LIN9: variants seen among roughly 807,000 people sequenced by gnomAD.
LIN9 encodes the protein protein lin-9 homolog.
Under a neutral mutation model 78.0 loss-of-function variants are expected in LIN9, and 18 were observed. The ratio of observed to expected loss-of-function variants is 0.23; its 90% CI spans 0.16 to 0.34. LIN9 has a LOEUF of 0.34. Ranked by LOEUF, LIN9 falls within the 10% of genes least tolerant of loss-of-function variation. LIN9 has a pLI of 1.00. For synonymous variants in LIN9, 192 were observed against 215.2 expected (o/e 0.89, Z 0.94); for missense variants, 451 against 644.1 (o/e 0.70, Z 3.25).
At chr1:226,233,316 T>A in intron 13 of LIN9, 28 bp downstream of exon 13, 1 of 1,583,436 alleles carries the variant, frequency 6.3e-7, no homozygotes, top group Non-Finnish European at 8.6e-7. Flanking sequence ...TTGTGTCAAA[T>A]TAAGAAAATA....
chr1:226,307,589 T>C (rs528804643), intron 1 of LIN9, among the ~76,000 whole-genome samples: 8 of 152,212 alleles, frequency 5.3e-5, no homozygotes, highest in Admixed American at 1.3e-4. Context: ...TGAGCCGAGA[T>C]AGTACCATTG....
At chr1:226,280,596 T>C (rs1421292668) in intron 6 of LIN9, among the ~76,000 whole-genome samples, 3 of 152,028 alleles carry the variant, frequency 2.0e-5, no homozygotes, top group East Asian at 1.9e-4. Flanking sequence ...GCCAATATGG[T>C]GAAACCCATC....
In LIN9 at chr1:226,294,087, C is replaced by T. The variant is rs145223351; in HGVS notation, c.264+1755G>A. ...GTTTAGGAGGCTGAGGTGAGTGGAT[C>T]GCTTGAGGTCAGGAGTTTGAGACCA... On this transcript the variant is annotated intron_variant, in intron 4 of 14. Coordinates refer to ENST00000681046, the MANE Select transcript of LIN9 (RefSeq NM_001366245.2). Among the ~76,000 whole-genome samples, 740 of 151,960 alleles carry T rather than the reference C, an allele frequency of 4.9e-3. 13 individuals carry two copies. Among genetic ancestry groups the T allele is most frequent in the African/African-American group, 0.016 (650 of 41,454 alleles).
chr1:226,278,457 AC>A (rs1417476751), intron 6 of LIN9, among the ~76,000 whole-genome samples: 2 of 151,506 alleles, frequency 1.3e-5, no homozygotes, highest in Non-Finnish European at 2.9e-5. Context: ...AAACAAAAAA[AC>A]CTTAAAATCT....
upstream of LIN9, chr1:226,309,544 G>C: frequency 4.2e-6 from 5 of 1,181,842 alleles, no homozygotes; most frequent in Non-Finnish European, 5.4e-6. Context: ...GAGAACGGGA[G>C]GGAGGCCCCG....
intron 4 of LIN9, among the ~76,000 whole-genome samples, chr1:226,292,094 G>A (rs907359532): frequency 6.6e-6 from 1 of 152,072 alleles, no homozygotes; most frequent in South Asian, 2.1e-4. Flanking sequence ...GCAGCTCATC[G>A]AATATAAAAC....
intron 8 of LIN9, 76 bp downstream of exon 8, chr1:226,267,881 A>G: frequency 1.4e-6 from 2 of 1,419,846 alleles, no homozygotes; most frequent in Non-Finnish European, 1.9e-6. Context: ...CTATCATAAA[A>G]TACGATTTCT....
chr1:226,309,454 C>T (rs1314335791), upstream of LIN9: 8 of 1,092,744 alleles, frequency 7.3e-6, no homozygotes, highest in African/African-American at 3.5e-5. Flanking sequence ...GCTCCGGAGT[C>T]CCGCCCGGGC....
chr1:226,232,566 G>T lies in LIN9; in HGVS notation c.1564C>A (p.Gln522Lys). The T allele has an allele frequency of 3.1e-6, 5 of 1,611,598 alleles. No homozygotes were observed. Among genetic ancestry groups the T allele is most frequent in the Non-Finnish European group, 4.2e-6 (5 of 1,178,420 alleles). Residue 522 changes from glutamine (Q) to lysine (K), a missense_variant, in exon 15 of 15, where the codon CAG becomes AAG. Transcript: ENST00000681046. ...TTTCCCATCTGGCTCAGGCCACTCT[G>T]AATATGTGCAACATGGATTTCTACA... is the stretch of plus-strand genomic sequence containing the variant. The part of the protein sequence containing the change: ...NNVEIHVAHI[Q>K]SGLSQMGNLH...
At chr1:226,304,559 G>A (rs1392163379) in intron 1 of LIN9, among the ~76,000 whole-genome samples, 1 of 152,148 alleles carries the variant, frequency 6.6e-6, no homozygotes, top group Non-Finnish European at 1.5e-5. Context: ...TGGTGGGGAC[G>A]GGGGAATTAC....
At chr1:226,261,887 T>A (rs896040700) in intron 10 of LIN9, among the ~76,000 whole-genome samples, 13 of 152,152 alleles carry the variant, frequency 8.5e-5, no homozygotes, top group African/African-American at 3.1e-4. Context: ...AAACCTACAG[T>A]AATCAAGACA....
chr1:226,280,980 A>G (rs1661012201), intron 6 of LIN9, among the ~76,000 whole-genome samples: 1 of 152,236 alleles, frequency 6.6e-6, no homozygotes, highest in African/African-American at 2.4e-5. Flanking sequence ...TGTTTATTGT[A>G]GCACTATTTA....
rs962657110 is a variant in LIN9, at chr1:226,272,851, T to C, written c.683-4761A>G. ...TTTGTTGGATTACCAATAAACAGTG[T>C]AGGGTCCCAGAGCTTGGGGCCTTCA... On this transcript the variant is annotated intron_variant, in intron 7 of 14. Transcript: ENST00000681046. Among the ~76,000 whole-genome samples, 6 of 152,288 alleles carry C rather than the reference T, an allele frequency of 3.9e-5. No individual in the cohort carries two copies. In the East Asian group the frequency reaches 7.7e-4, roughly 20 times the overall value.
chr1:226,303,670 A>G (rs915947915), intron 1 of LIN9, among the ~76,000 whole-genome samples: 8 of 151,880 alleles, frequency 5.3e-5, no homozygotes, highest in African/African-American at 1.9e-4. Context: ...CGGTGGCGCA[A>G]TCTCAGCTCA....
chr1:226,309,115 C>T lies in LIN9; in HGVS notation c.25G>A (p.Asp9Asn), dbSNP rs1381528792. ...GCTTTGAGGTGCTACTCACTCTCGT[C>T]AGGCAACTGGTCGAGCTCCGCCATC... The part of the protein sequence containing the change: MAELDQLP[D>N]ESSSAKALVS... The change falls in exon 1 of 15, where the codon GAC becomes AAC. Residue 9 changes from aspartate to asparagine, a missense_variant. Coordinates refer to ENST00000681046, the MANE Select transcript of LIN9 (RefSeq NM_001366245.2). 2 of 1,338,502 alleles carry T rather than the reference C, an allele frequency of 1.5e-6. No individual in the cohort carries two copies. Among genetic ancestry groups the T allele is most frequent in the East Asian group, 2.8e-5 (1 of 35,728 alleles). 82.9% of individuals were successfully genotyped at this position (1,338,502 alleles called of 1,614,324 possible).
chr1:226,237,495 G>C (rs549858035), intron 12 of LIN9, among the ~76,000 whole-genome samples: 2 of 152,016 alleles, frequency 1.3e-5, no homozygotes, highest in Admixed American at 1.3e-4. Flanking sequence ...ACCTGGGCGT[G>C]GTAATGCATG....
At chr1:226,296,292 C>A (rs146791418) in intron 3 of LIN9, among the ~76,000 whole-genome samples, 5 of 152,264 alleles carry the variant, frequency 3.3e-5, no homozygotes. Flanking sequence ...TGGGTTAATA[C>A]CAATTGGGTG....
chr1:226,309,559 G>A, upstream of LIN9: 2 of 1,181,810 alleles, frequency 1.7e-6, no homozygotes, highest in Non-Finnish European at 2.2e-6. Flanking sequence ...GCCCCGGCGG[G>A]GGGAAAGAAG....
chr1:226,294,589 A>C (rs1453377448), intron 4 of LIN9, among the ~76,000 whole-genome samples: 3 of 151,706 alleles, frequency 2.0e-5, no homozygotes, highest in African/African-American at 4.8e-5. Context: ...AAAAACAAAA[A>C]AAAAAAAACC....
Sources: gnomAD v4.1 joint callset for allele counts (sites outside exome capture counted in the v4.1 genomes callset) on GRCh38, gnomAD v4.1.1 for gene constraint, MANE v1.5 for transcripts, NCBI Gene and HGNC (gene_info 2026-07-23, HGNC 2026-07-21) for gene names.